ELP4: variants seen among roughly 807,000 people sequenced by gnomAD.
The protein encoded by ELP4 is elongator acetyltransferase complex subunit 4, also known as elongator complex protein 4.
ELP4 carries 51 observed loss-of-function variants against 48.9 expected under a neutral mutation model. That is an observed-to-expected ratio of 1.04 (90% CI 0.83 to 1.32). The LOEUF is 1.32. ELP4 is among the 40% of genes most tolerant of loss of function. ELP4 has a pLI of 0.00. For missense variants in ELP4, 519 were observed against 514.6 expected (o/e 1.01, Z -0.08); for synonymous variants, 210 against 189.2 (o/e 1.11, Z -0.90).
chr11:31,685,101 C>A (rs1946133163), intron 9 of ELP4, among the ~76,000 whole-genome samples: 1 of 152,212 alleles, frequency 6.6e-6, no homozygotes, highest in East Asian at 1.9e-4. Context: ...GCCTGTAATC[C>A]CAGCACTTTG....
intron 9 of ELP4, among the ~76,000 whole-genome samples, chr11:31,691,746 A>G (rs1946286129): frequency 6.6e-6 from 1 of 152,182 alleles, no homozygotes; most frequent in South Asian, 2.1e-4. Flanking sequence ...AATAAGCACA[A>G]TGTTTACAAT....
rs367795416 is a variant in ELP4 at position 31,668,675 on chromosome 11, C to CGTGTGTGTGTGTGTGTGT, written c.1143+18483_1143+18500dup. Among the ~76,000 whole-genome samples the CGTGTGTGTGTGTGTGTGT allele has an allele frequency of 4.6e-3, 554 of 121,070 alleles. 6 individuals are homozygous for CGTGTGTGTGTGTGTGTGT. The highest frequency in any genetic ancestry group is 6.4e-3 in the Non-Finnish European group (377 of 58,658). The allele number at this position is 121,070 out of a possible 152,430, so 79.4% of individuals were successfully genotyped here. A position where few individuals can be genotyped will look rare whatever the true frequency, so the allele number is the denominator to read the frequency against. On this transcript the variant is annotated intron_variant, in intron 9 of 9. Transcript: ENST00000640961. The stretch of plus-strand genomic sequence containing the variant: ...ATCGGAATGAAATTTCCTTTGGTAC[C>CGTGTGTGTGTGTGTGTGT]GTGTGTGTGTGTGTGTGTGTGTGTG...
chr11:31,557,063 A>G (rs1011570004), intron 3 of ELP4, among the ~76,000 whole-genome samples: 7 of 152,096 alleles, frequency 4.6e-5, no homozygotes, highest in African/African-American at 1.4e-4. Context: ...TAAAGAGTTC[A>G]TTAAAAGTAA....
chr11:31,701,702 T>C (rs1022072082), intron 9 of ELP4, among the ~76,000 whole-genome samples: 4 of 149,744 alleles, frequency 2.7e-5, no homozygotes, highest in African/African-American at 7.3e-5. Flanking sequence ...TATAGACTAA[T>C]ATATATATAA....
At chr11:31,700,727 T>C (rs1946503956) in intron 9 of ELP4, among the ~76,000 whole-genome samples, 1 of 152,074 alleles carries the variant, frequency 6.6e-6, no homozygotes, top group Non-Finnish European at 1.5e-5. Flanking sequence ...AAGTGTCAGA[T>C]TTACAAAAAT....
intron 9 of ELP4, among the ~76,000 whole-genome samples, chr11:31,725,158 C>A (rs547626413): frequency 6.6e-6 from 1 of 152,024 alleles, no homozygotes; most frequent in African/African-American, 2.4e-5. Flanking sequence ...AATCCAAATG[C>A]TGGCCTTTTC....
chr11:31,526,135 A>G (rs531176958), intron 2 of ELP4, among the ~76,000 whole-genome samples: 1 of 152,264 alleles, frequency 6.6e-6, no homozygotes, highest in South Asian at 2.1e-4. Context: ...TTTCACAACA[A>G]TGAGAGGAAG....
chr11:31,789,921 T>C lies in ELP4; in HGVS notation c.*6397T>C. 2 of 1,499,038 alleles carry C rather than the reference T, an allele frequency of 1.3e-6. No individual in the cohort carries two copies. The highest frequency in any genetic ancestry group is 1.8e-6 in the Non-Finnish European group (2 of 1,118,392). 92.9% of individuals were successfully genotyped at this position (1,499,038 alleles called of 1,614,324 possible). ...CACAATATTTCCTTTCCTTTTTTTT[T>C]TTTTTTTTTTTTTTACTGTAATCTT... On this transcript the variant is annotated 3_prime_UTR_variant, in exon 10 of 10. Coordinates refer to ENST00000640961, the MANE Select transcript of ELP4 (RefSeq NM_019040.5).
intron 9 of ELP4, among the ~76,000 whole-genome samples, chr11:31,742,723 C>T (rs1947483311): frequency 1.3e-5 from 2 of 152,112 alleles, no homozygotes; most frequent in African/African-American, 4.8e-5. Flanking sequence ...CACCACCAGG[C>T]CTGCCCTAAA....
chr11:31,510,543 T>C, intron 1 of ELP4: 2 of 402,620 alleles, frequency 5.0e-6, no homozygotes, highest in Non-Finnish European at 4.4e-6. Context: ...AAGGCTTATG[T>C]TGACACATAA....
chr11:31,750,213 T>A (rs756069544), intron 9 of ELP4, among the ~76,000 whole-genome samples: 7 of 152,132 alleles, frequency 4.6e-5, no homozygotes, highest in Non-Finnish European at 1.0e-4. Context: ...ATGGTTTGCT[T>A]GGTAGTTATT....
At chr11:31,752,255 A>G (rs993494695) in intron 9 of ELP4, among the ~76,000 whole-genome samples, 2 of 150,094 alleles carry the variant, frequency 1.3e-5, no homozygotes, top group African/African-American at 2.5e-5. Flanking sequence ...ACTTGATATA[A>G]CTTAGCACTT....
chr11:31,600,468 T>G (rs1330717738), intron 4 of ELP4: 1 of 152,200 alleles, frequency 6.6e-6, no homozygotes, highest in African/African-American at 2.4e-5. Context: ...GTGGTTTAGC[T>G]GCAGCAGCCC....
intron 4 of ELP4, chr11:31,600,192 A>G (rs1183801652): frequency 6.9e-6 from 1 of 144,654 alleles, no homozygotes; most frequent in Non-Finnish European, 1.5e-5. Flanking sequence ...TGAAGAGTGT[A>G]TAGTTTTAAA....
rs578098566 is a variant in ELP4, at chr11:31,730,344, G to A, written c.1144-53049G>A. 8.1e-4 allele frequency among the ~76,000 whole-genome samples: 124 copies of A among 152,280 alleles called. 1 individual carries two copies. The highest frequency in any genetic ancestry group is 2.9e-3 in the African/African-American group (121 of 41,550). On this transcript the variant is annotated intron_variant, in intron 9 of 9. Transcript: ENST00000640961. ...GTGTTCTCACATGGTGGAAGGAGCA[G>A]AAGAGCAAGAACACACTCCCTTCAA...
At chr11:31,732,560 T>C (rs189789616) in intron 9 of ELP4, among the ~76,000 whole-genome samples, 9 of 152,078 alleles carry the variant, frequency 5.9e-5, no homozygotes, top group Admixed American at 5.9e-4. Flanking sequence ...ACTTCCTCTC[T>C]ATTCAAAATT....
intron 9 of ELP4, among the ~76,000 whole-genome samples, chr11:31,779,109 T>C (rs1245133477): frequency 6.6e-6 from 1 of 152,214 alleles, no homozygotes; most frequent in Non-Finnish European, 1.5e-5. Flanking sequence ...TCCTGAGCAA[T>C]ACAAATTGTG....
intron 3 of ELP4, among the ~76,000 whole-genome samples, chr11:31,544,136 CAGACAGTGGGCGCA>C (rs1279695814): frequency 1.3e-5 from 2 of 152,226 alleles, no homozygotes; most frequent in Non-Finnish European, 2.9e-5. Flanking sequence ...TAGGGAGTGC[CAGACAGTGGGCGCA>C]GGTCAGTGGG....
chr11:31,513,776 C>T (rs1030884228), intron 1 of ELP4, among the ~76,000 whole-genome samples: 1 of 152,126 alleles, frequency 6.6e-6, no homozygotes, highest in Non-Finnish European at 1.5e-5. Flanking sequence ...ATTGAAATAA[C>T]AACAAAAGCC....
Sources: allele counts gnomAD v4.1 joint callset (sites outside exome capture counted in the v4.1 genomes callset), GRCh38; gene constraint gnomAD v4.1.1; transcripts MANE v1.5; gene names NCBI Gene and HGNC (gene_info 2026-07-23, HGNC 2026-07-21).